The following RSRP1 variants were observed in gnomAD, a reference collection of about 807,000 sequenced individuals.
RSRP1 encodes the protein arginine and serine rich protein 1, also known as arginine/serine-rich protein 1.
A neutral mutation model predicts 33.0 loss-of-function variants in RSRP1; 37 were observed. That is an observed-to-expected ratio of 1.12 (90% CI 0.86 to 1.48). The LOEUF is 1.48. RSRP1 is among the 40% of genes most tolerant of loss of function. The pLI is 0.00. For synonymous variants in RSRP1, 167 were observed against 158.7 expected (o/e 1.05, Z -0.40); for missense variants, 402 against 385.3 (o/e 1.04, Z -0.36).
chr1:25,291,496 G>A (rs1642504267), intron 1 of RSRP1, among the ~76,000 whole-genome samples: 2 of 130,416 alleles, frequency 1.5e-5, no homozygotes, highest in African/African-American at 5.3e-5. Flanking sequence ...AAAAAGAAAA[G>A]AAAAGATTGA....
At chr1:25,302,864 C>A (rs1350549559) in intron 1 of RSRP1, among the ~76,000 whole-genome samples, 1 of 131,408 alleles carries the variant, frequency 7.6e-6, no homozygotes, top group Non-Finnish European at 1.8e-5. Flanking sequence ...TTCTTCTAGG[C>A]CAGGTGCAGT....
chr1:25,263,402 G>A (rs1640220867), intron 1 of RSRP1, among the ~76,000 whole-genome samples: 1 of 151,860 alleles, frequency 6.6e-6, no homozygotes, highest in African/African-American at 2.4e-5. Context: ...TGGCTGGGGA[G>A]GCCTCACAAT....
intron 3 of RSRP1, chr1:25,244,480 C>T: frequency 7.8e-7 from 1 of 1,289,336 alleles, no homozygotes; most frequent in Non-Finnish European, 1.0e-6. Context: ...TCAATGTCTG[C>T]AGACCACATT....
At chr1:25,307,886 C>G in intron 1 of RSRP1, 1 of 1,195,290 alleles carries the variant, frequency 8.4e-7, no homozygotes, top group Non-Finnish European at 1.2e-6. Context: ...TGATGGGTTC[C>G]AGTGATGTGT....
chr1:25,243,296 CT>C (rs1184984534), intron 4 of RSRP1, among the ~76,000 whole-genome samples: 2 of 151,942 alleles, frequency 1.3e-5, no homozygotes, highest in Non-Finnish European at 2.9e-5. Context: ...AAAGATTTCC[CT>C]TTAAAATATT....
rs1645027528 is a variant in RSRP1, at chr1:25,332,187, C to A, written c.-67+5791G>T. On this transcript the variant is annotated intron_variant, in intron 1 of 1. Transcript: ENST00000561867. ...GTGTAGCTGGGATCACAGGCACACG[C>A]CACCACACCTAGCTACTTTTTGTAT... 1.6e-5 allele frequency among the ~76,000 whole-genome samples: 2 copies of A among 126,862 alleles called. 1 individual carries two copies. The highest frequency in any genetic ancestry group is 4.9e-4 in the South Asian group (2 of 4,114). 83.2% of individuals were successfully genotyped at this position (126,862 alleles called of 152,430 possible).
At chr1:25,266,154 A>G (rs1480506897) in intron 1 of RSRP1, 1 of 133,030 alleles carries the variant, frequency 7.5e-6, no homozygotes, top group Admixed American at 7.4e-5. Flanking sequence ...ACAAACATTC[A>G]TTAAGTCCCA....
At chr1:25,277,587 T>A (rs28362148) in intron 1 of RSRP1, among the ~76,000 whole-genome samples, 3,122 of 129,854 alleles carry the variant, frequency 0.024, 227 homozygotes, top group African/African-American at 0.077. Flanking sequence ...CCTCTGTTTC[T>A]ACTTCTGTCA....
At chr1:25,299,322 C>G (rs1318179621) in intron 1 of RSRP1, among the ~76,000 whole-genome samples, 1 of 130,656 alleles carries the variant, frequency 7.7e-6, no homozygotes, top group Non-Finnish European at 1.8e-5. Flanking sequence ...GTGGAGGTTG[C>G]AGTGAGCCAA....
rs142151492 is a variant in RSRP1, at chr1:25,320,319, C to G, written c.-67+17659G>C. Among the ~76,000 whole-genome samples, 110 of 131,994 alleles carry G rather than the reference C, an allele frequency of 8.3e-4. 34 individuals are homozygous for G. The highest frequency in any genetic ancestry group is 1.7e-3 in the Non-Finnish European group (95 of 55,722). 86.6% of individuals were successfully genotyped at this position (131,994 alleles called of 152,430 possible). On this transcript the variant is annotated intron_variant, in intron 1 of 1. Coordinates refer to the RSRP1 transcript ENST00000561867. ...ATATGGCACGTTATAAGTGGGTGTTCCTAGTGATGGTTCTGATTTTTTTTA... is the reference window on the plus strand; with the variant it reads ...ATATGGCACGTTATAAGTGGGTGTTGCTAGTGATGGTTCTGATTTTTTTTA...
At position 25,293,757 on chromosome 1, in the gene RSRP1, T is replaced by A. The variant is rs540476390; in HGVS notation, c.-67+44221A>T. ...ACACTGTCTAATTTTCTGCAAAGTTTTTATTCATGAATTAAGAGTATTTCC... is the reference window on the plus strand; with the variant it reads ...ACACTGTCTAATTTTCTGCAAAGTTATTATTCATGAATTAAGAGTATTTCC... On this transcript the variant is annotated intron_variant, in intron 1 of 1. Coordinates refer to the RSRP1 transcript ENST00000561867. Among the ~76,000 whole-genome samples the A allele has an allele frequency of 3.0e-5, 4 of 132,450 alleles. 1 individual carries two copies. The highest frequency in any genetic ancestry group is 7.1e-5 in the Non-Finnish European group (4 of 56,082). 86.9% of individuals were successfully genotyped at this position (132,450 alleles called of 152,430 possible). A position where few individuals can be genotyped will look rare whatever the true frequency, so the allele number is the denominator to read the frequency against.
At chr1:25,269,800 G>GAGCC (rs113036594) in intron 1 of RSRP1, among the ~76,000 whole-genome samples, 2,018 of 132,540 alleles carry the variant, frequency 0.015, 294 homozygotes, top group African/African-American at 0.049. Context: ...TCTGTTCTGC[G>GAGCC]AGGAGCGGGA....
Position 25,286,502 on chromosome 1 carries a change from A to G in RSRP1, c.-66-39473T>C, listed in dbSNP as rs1180438322. Among the ~76,000 whole-genome samples the G allele has an allele frequency of 4.4e-5, 6 of 134,934 alleles. 1 individual carries two copies. The highest frequency in any genetic ancestry group is 1.5e-4 in the African/African-American group (6 of 38,982). The allele number at this position is 134,934 out of a possible 152,430, so 88.5% of individuals were successfully genotyped here. ...AGACCCTGTCTCAAAAAACAGTTTT[A>G]GGGGCCGGGCGCAGTGGTTCATGCC... is the stretch of plus-strand genomic sequence containing the variant. On this transcript the variant is annotated intron_variant, in intron 1 of 1. Coordinates refer to the RSRP1 transcript ENST00000561867.
At chr1:25,314,205 T>A (rs1243579799) in intron 1 of RSRP1, among the ~76,000 whole-genome samples, 1 of 133,070 alleles carries the variant, frequency 7.5e-6, no homozygotes, top group Non-Finnish European at 1.8e-5. Flanking sequence ...TCACCAGTAG[T>A]GTATAGAAGC....
At position 25,333,654 on chromosome 1, in the gene RSRP1, T is replaced by A. The variant is rs1261688604; in HGVS notation, c.-67+4324A>T. Among the ~76,000 whole-genome samples the A allele has an allele frequency of 1.4e-4, 19 of 131,202 alleles. 2 individuals are homozygous for A. The highest frequency in any genetic ancestry group is 5.0e-4 in the African/African-American group (19 of 38,122). The allele number at this position is 131,202 out of a possible 152,430, so 86.1% of individuals were successfully genotyped here. A position where few individuals can be genotyped will look rare whatever the true frequency, so the allele number is the denominator to read the frequency against. On this transcript the variant is annotated intron_variant, in intron 1 of 1. Coordinates refer to the RSRP1 transcript ENST00000561867. ...GTGAAAAGCCATTGTATTAGTCTGT[T>A]CACAAACCCCAGACTAGGCAATTTA...
intron 1 of RSRP1, chr1:25,329,246 T>TG (rs1459379614): frequency 1.6e-6 from 1 of 634,428 alleles, no homozygotes; most frequent in Non-Finnish European, 2.5e-6. Flanking sequence ...TGTTTTTTTT[T>TG]TTTTTTTTTT....
chr1:25,249,459 C>G (rs1639708392), upstream of RSRP1, among the ~76,000 whole-genome samples: 1 of 152,170 alleles, frequency 6.6e-6, no homozygotes, highest in African/African-American at 2.4e-5. Flanking sequence ...GTGCCTCAGT[C>G]TCCCGAGCAT....
intron 1 of RSRP1, among the ~76,000 whole-genome samples, chr1:25,293,602 C>T (rs576272763): frequency 1.5e-5 from 2 of 130,980 alleles, no homozygotes; most frequent in South Asian, 2.3e-4. Context: ...GCACTCCAAG[C>T]GTTTCTTCCT....
rs187556894 is a variant in RSRP1, at chr1:25,331,537, C to G, written c.-67+6441G>C. Among the ~76,000 whole-genome samples, 15 of 123,992 alleles carry G rather than the reference C, an allele frequency of 1.2e-4. 2 individuals carry two copies. The East Asian group carries it at 2.3e-3, about 19-fold the overall frequency. The allele number at this position is 123,992 out of a possible 152,430, so 81.3% of individuals were successfully genotyped here. A position where few individuals can be genotyped will look rare whatever the true frequency, so the allele number is the denominator to read the frequency against. ...CTGCGTTTATCCAGATTTAGTATCA[C>G]AAAGACTTTGCTCTGAGAAAAATGT... On this transcript the variant is annotated intron_variant, in intron 1 of 1. Transcript: ENST00000561867.
Sources: gnomAD v4.1 joint callset for allele counts (sites outside exome capture counted in the v4.1 genomes callset) on GRCh38, gnomAD v4.1.1 for gene constraint, MANE v1.5 for transcripts, NCBI Gene and HGNC (gene_info 2026-07-23, HGNC 2026-07-21) for gene names.